Variants in DMXL1 observed in about 807,000 individuals in gnomAD.
DMXL1 encodes Dmx like 1.
A neutral mutation model predicts 319.2 loss-of-function variants in DMXL1; 99 were observed. The observed-to-expected ratio is 0.31, with a 90% CI of 0.26 to 0.37. The LOEUF is 0.37. Ranked by LOEUF, DMXL1 falls within the 10% of genes least tolerant of loss-of-function variation. DMXL1 has a pLI of 1.00. For synonymous variants in DMXL1, 1,385 were observed against 1,235.2 expected, an observed-to-expected ratio of 1.12 and a Z score of -2.54; for missense variants, 3,745 against 3,595.6, an observed-to-expected ratio of 1.04 and a Z score of -1.06.
At chr5:119,199,532 G>T (rs1236366720) in intron 32 of DMXL1, among the ~76,000 whole-genome samples, 2 of 152,138 alleles carry the variant, frequency 1.3e-5, no homozygotes, top group Non-Finnish European at 2.9e-5. Flanking sequence ...ACACTTGTGT[G>T]CATGTGTTTT....
At chr5:119,206,769 C>A in intron 33 of DMXL1, 65 bp from the exon 34 acceptor site, 1 of 939,896 alleles carries the variant, frequency 1.1e-6, no homozygotes, top group South Asian at 1.6e-5. Flanking sequence ...GAAACAATCC[C>A]CAGTATTTTG....
intron 23 of DMXL1, among the ~76,000 whole-genome samples, chr5:119,168,806 A>T (rs1460690200): frequency 2.0e-5 from 3 of 151,548 alleles, no homozygotes; most frequent in Non-Finnish European, 4.4e-5. Context: ...CTCCCACCTC[A>T]GCCTCCCAAA....
In DMXL1 at chr5:119,133,647, A is replaced by T. The variant is rs760155404; in HGVS notation, c.1723A>T (p.Met575Leu). Reference sequence around the variant, plus strand: ...TTCTGGCCTCACCCGTTCCACATCAATGCTTATTTCTTCTGGTCACAATAA... The same window carrying T: ...TTCTGGCCTCACCCGTTCCACATCATTGCTTATTTCTTCTGGTCACAATAA... ...KPSGLTRSTSMLISSGHNKSS... is the reference protein window; with the variant it reads ...KPSGLTRSTSLLISSGHNKSS... The change falls in exon 12 of 44, where the codon ATG (methionine) becomes TTG (leucine). Residue 575 changes from methionine to leucine, a missense_variant. By Grantham distance (15) the Met-to-Leu change is conservative. This residue lies in a region of DMXL1 where 2,096 missense variants were observed against 1,985.4 expected (regional missense o/e 1.06). Transcript: ENST00000539542. 2.5e-6 allele frequency: 4 copies of T among 1,614,188 alleles called. No homozygotes were observed. In the Admixed American group the frequency reaches 5.0e-5, roughly 20 times the overall value.
intron 30 of DMXL1, among the ~76,000 whole-genome samples, chr5:119,195,789 G>T (rs1779508418): frequency 6.6e-6 from 1 of 152,040 alleles, no homozygotes; most frequent in Admixed American, 6.6e-5. Flanking sequence ...AAATAAATAT[G>T]TTCCACTTGA....
rs570088362 is a variant in DMXL1, at chr5:119,083,067, G to T, written c.87+11411G>T. ...AGAGTCTCAAAAAGGCTGGAATGCA[G>T]TGGCATGATCTTGGCTCACTGCAAC... On this transcript the variant is annotated intron_variant, in intron 1 of 43. Transcript: ENST00000539542. Among the ~76,000 whole-genome samples, 7 of 152,276 alleles carry T rather than the reference G, an allele frequency of 4.6e-5. No individual in the cohort carries two copies. In the East Asian group the frequency reaches 1.4e-3, roughly 29 times the overall value.
intron 2 of DMXL1, among the ~76,000 whole-genome samples, chr5:119,099,407 C>T (rs1425426931): frequency 6.6e-6 from 1 of 152,070 alleles, no homozygotes; most frequent in Admixed American, 6.6e-5. Context: ...AACGGGGTTT[C>T]ATCATGTTGG....
chr5:119,103,766 C>T (rs1424611843), intron 3 of DMXL1, among the ~76,000 whole-genome samples: 2 of 152,054 alleles, frequency 1.3e-5, no homozygotes, highest in Non-Finnish European at 2.9e-5. Context: ...CAGTGTATTT[C>T]AGTACTCAAT....
At chr5:119,071,896 T>G (rs148978238) in intron 1 of DMXL1, among the ~76,000 whole-genome samples, 62 of 152,322 alleles carry the variant, frequency 4.1e-4, no homozygotes, top group African/African-American at 1.4e-3. Context: ...TTTAAAGTTT[T>G]TGGTCTGTCT....
chr5:119,233,177 A>G (rs887293491), intron 38 of DMXL1, among the ~76,000 whole-genome samples, 163 bp from the exon 39 acceptor site: 28 of 152,198 alleles, frequency 1.8e-4, no homozygotes, highest in African/African-American at 6.0e-4. Context: ...TTGTATAACT[A>G]TTTTTATGAT....
intron 1 of DMXL1, among the ~76,000 whole-genome samples, chr5:119,080,179 C>G (rs1751874531): frequency 6.6e-6 from 1 of 152,056 alleles, no homozygotes; most frequent in African/African-American, 2.4e-5. Flanking sequence ...AAACCTGTTT[C>G]TACTAAAAAT....
At chr5:119,156,672 GT>G (rs369198782) in intron 19 of DMXL1, among the ~76,000 whole-genome samples, 3,242 of 149,080 alleles carry the variant, frequency 0.022, 56 homozygotes, top group Middle Eastern at 0.044. Context: ...TTTTTTTTTA[GT>G]TAAAATTTCT....
chr5:119,129,766 A>C (rs1268490927), intron 10 of DMXL1, among the ~76,000 whole-genome samples: 3 of 152,238 alleles, frequency 2.0e-5, no homozygotes, highest in Non-Finnish European at 4.4e-5. Flanking sequence ...CAGAATCTGC[A>C]ATTTAATGAA....
intron 19 of DMXL1, among the ~76,000 whole-genome samples, chr5:119,161,156 C>G (rs1772184291): frequency 2.6e-5 from 4 of 152,262 alleles, no homozygotes; most frequent in Admixed American, 1.3e-4. Flanking sequence ...TGAAATGACC[C>G]CAGGGAGGCA....
At chr5:119,213,340 A>T (rs1478804014) in intron 34 of DMXL1, among the ~76,000 whole-genome samples, 1 of 152,038 alleles carries the variant, frequency 6.6e-6, no homozygotes, top group Non-Finnish European at 1.5e-5. Flanking sequence ...GTGAACTGTT[A>T]CCCTTTTTGT....
chr5:119,077,658 GTGTGTGTGTATATATA>G (rs1161526453), intron 1 of DMXL1, among the ~76,000 whole-genome samples: 1 of 123,180 alleles, frequency 8.1e-6, no homozygotes, highest in Non-Finnish European at 1.6e-5. Context: ...TTTTGTATAT[GTGTGTGTGTATATATA>G]TGTGTGTGTG....
At chr5:119,074,206 A>G (rs1750307400) in intron 1 of DMXL1, among the ~76,000 whole-genome samples, 1 of 152,244 alleles carries the variant, frequency 6.6e-6, no homozygotes, top group African/African-American at 2.4e-5. Context: ...GGCGGGAGCC[A>G]CTGCACCCAG....
At position 119,233,409 on chromosome 5, in the gene DMXL1, T is replaced by C; in HGVS notation, c.8408T>C (p.Phe2803Ser). ...EWGHSQQITC[F>S]RSGGNSRVTR... ...GGCCATTCTCAACAAATAACCTGTTTTCGATCTGGTGGCAATTCAAGAGTT... is the reference window on the plus strand; with the variant it reads ...GGCCATTCTCAACAAATAACCTGTTCTCGATCTGGTGGCAATTCAAGAGTT... The change falls in exon 39 of 44, where the codon TTT (phenylalanine) becomes TCT (serine). Residue 2803 changes from phenylalanine (F) to serine (S), a missense_variant. By Grantham distance (155) the Phe-to-Ser change is radical. Around this residue, in one of 4 missense-constraint regions of DMXL1, gnomAD observed 262 missense variants for 320.5 expected, o/e 0.82. Transcript: ENST00000539542. 1 of 1,612,870 alleles carries C rather than the reference T, an allele frequency of 6.2e-7. No individual in the cohort carries two copies. The highest frequency in any genetic ancestry group is 8.5e-7 in the Non-Finnish European group (1 of 1,179,132).
chr5:119,101,832 T>C (rs1757344004), intron 2 of DMXL1, 103 bp from the exon 3 acceptor site: 6 of 731,008 alleles, frequency 8.2e-6, no homozygotes, highest in Non-Finnish European at 1.4e-5. Context: ...AATGAAATTG[T>C]GTGTATTGGC....
intron 28 of DMXL1, 117 bp from the exon 29 acceptor site, chr5:119,189,591 C>T: frequency 1.1e-6 from 1 of 916,964 alleles, no homozygotes; most frequent in Non-Finnish European, 1.6e-6. Context: ...TTCATAATCT[C>T]AATCTTATTT....
Sources: gnomAD v4.1 joint callset for allele counts (sites outside exome capture counted in the v4.1 genomes callset) on GRCh38, gnomAD v4.1.1 for gene constraint, gnomAD v4.1.1 regional missense constraint, MANE v1.5 for transcripts, NCBI Gene and HGNC (gene_info 2026-07-23, HGNC 2026-07-21) for gene names.